The following CSMD3 variants were observed in gnomAD, a reference collection of about 807,000 sequenced individuals.
CSMD3 encodes CUB and Sushi multiple domains 3.
CSMD3 carries 177 observed loss-of-function variants against 435.2 expected under a neutral mutation model. That is an observed-to-expected ratio of 0.41 (90% CI 0.36 to 0.46). The LOEUF is 0.46. CSMD3 is among the 20% of genes least tolerant of loss of function. CSMD3 has a pLI of 0.34. For missense variants in CSMD3, 4,265 were observed against 4,504.6 expected (o/e 0.95, Z 1.52); for synonymous variants, 1,656 against 1,520.5 (o/e 1.09, Z -2.07).
intron 7 of CSMD3, among the ~76,000 whole-genome samples, chr8:112,969,508 T>C (rs1157918154): frequency 6.6e-6 from 1 of 152,036 alleles, no homozygotes; most frequent in Non-Finnish European, 1.5e-5. Flanking sequence ...ATCCTACTGA[T>C]ATGATCATTA....
At chr8:113,345,426 A>G (rs2094145441) in intron 1 of CSMD3, among the ~76,000 whole-genome samples, 1 of 152,190 alleles carries the variant, frequency 6.6e-6, no homozygotes. Flanking sequence ...AATGTACTTA[A>G]TATGACTGTA....
intron 3 of CSMD3, among the ~76,000 whole-genome samples, chr8:113,212,737 G>A (rs2092852457): frequency 6.6e-6 from 1 of 151,626 alleles, no homozygotes; most frequent in South Asian, 2.1e-4. Context: ...AGGGCCTGTT[G>A]TGGGGTGGGG....
intron 2 of CSMD3, among the ~76,000 whole-genome samples, chr8:113,300,511 G>A (rs892192080): frequency 2.6e-5 from 4 of 152,126 alleles, no homozygotes; most frequent in African/African-American, 9.7e-5. Context: ...GCAGCCATAA[G>A]AAAGAATGAA....
At chr8:113,072,463 G>A (rs1305805124) in intron 5 of CSMD3, among the ~76,000 whole-genome samples, 1 of 151,468 alleles carries the variant, frequency 6.6e-6, no homozygotes, top group East Asian at 1.9e-4. Context: ...TTTTGCTGAG[G>A]TAAATTTCTT....
At chr8:112,787,700 T>TCA (rs1395258589) in intron 13 of CSMD3, among the ~76,000 whole-genome samples, 6 of 152,028 alleles carry the variant, frequency 3.9e-5, no homozygotes, top group Non-Finnish European at 5.9e-5. Context: ...AAGACAAACT[T>TCA]CACACATTCT....
intron 32 of CSMD3, among the ~76,000 whole-genome samples, chr8:112,411,576 A>G (rs1242679647): frequency 6.6e-6 from 1 of 152,074 alleles, no homozygotes; most frequent in Non-Finnish European, 1.5e-5. Context: ...GTTATTTTGT[A>G]GTATGAACAA....
intron 45 of CSMD3, among the ~76,000 whole-genome samples, chr8:112,324,005 C>G (rs1276757767): frequency 6.6e-6 from 1 of 152,052 alleles, no homozygotes; most frequent in Non-Finnish European, 1.5e-5. Flanking sequence ...CACATTGTCT[C>G]CCCGATTTAT....
At chr8:112,409,096 C>A in intron 32 of CSMD3, 64 bp from the exon 33 acceptor site, 21 of 1,603,950 alleles carry the variant, frequency 1.3e-5, no homozygotes, top group Admixed American at 6.9e-5. Flanking sequence ...AAACAAAAAA[C>A]AAAAAAATAG....
chr8:113,419,121 G>GT (rs1200219963), intron 1 of CSMD3, among the ~76,000 whole-genome samples: 5 of 141,550 alleles, frequency 3.5e-5, no homozygotes, highest in African/African-American at 1.3e-4. Context: ...GTTTTTTTTG[G>GT]TTTGTTTTTT....
chr8:112,250,816 A>T (rs1166032349), intron 63 of CSMD3, among the ~76,000 whole-genome samples: 6 of 151,886 alleles, frequency 4.0e-5, no homozygotes, highest in Non-Finnish European at 8.8e-5. Flanking sequence ...CAATGTTTAA[A>T]TAAAAATCAC....
chr8:112,602,892 T>C (rs1269822369), intron 22 of CSMD3, among the ~76,000 whole-genome samples: 6 of 152,180 alleles, frequency 3.9e-5, no homozygotes, highest in African/African-American at 1.2e-4. Flanking sequence ...CTATGGTACA[T>C]ATCAAGCAAT....
At chr8:112,690,510 A>T (rs1323608078) in intron 13 of CSMD3, among the ~76,000 whole-genome samples, 1 of 151,994 alleles carries the variant, frequency 6.6e-6, no homozygotes, top group East Asian at 1.9e-4. Flanking sequence ...ATACTCCTAC[A>T]GAAATCAATG....
chr8:113,372,706 G>T (rs1180899820), intron 1 of CSMD3, among the ~76,000 whole-genome samples: 1 of 152,058 alleles, frequency 6.6e-6, no homozygotes, highest in Non-Finnish European at 1.5e-5. Flanking sequence ...GGCCGAGGCG[G>T]GTGGATCATG....
chr8:113,189,313 T>G (rs2092552298), intron 3 of CSMD3, among the ~76,000 whole-genome samples: 1 of 151,794 alleles, frequency 6.6e-6, no homozygotes, highest in South Asian at 2.1e-4. Context: ...ATTGCTTGCA[T>G]TAGACTCTTT....
chr8:112,818,239 A>G (rs934101441), intron 12 of CSMD3, among the ~76,000 whole-genome samples: 1 of 152,116 alleles, frequency 6.6e-6, no homozygotes, highest in African/African-American at 2.4e-5. Context: ...GTTCCATAAC[A>G]TGTTAAATAT....
At chr8:113,320,766 T>C (rs1008491938) in intron 1 of CSMD3, among the ~76,000 whole-genome samples, 1 of 152,266 alleles carries the variant, frequency 6.6e-6, no homozygotes, top group East Asian at 1.9e-4. Flanking sequence ...ACCACTCCTT[T>C]ACTAAATTTC....
In CSMD3 at chr8:112,289,461, G is replaced by C. The variant is rs865775885; in HGVS notation, c.9052C>G (p.His3018Asp). Residue 3018 changes from histidine to aspartate, a missense_variant, in exon 57 of 71, where the codon CAC (histidine) becomes GAC (aspartate). By Grantham distance (81) the His-to-Asp change is moderately conservative. Transcript: ENST00000297405. ...GEKYTFGSTV[H>D]YSCTGKRSLL... Reference sequence around the variant, plus strand: ...GAACGCTTTCCTGTGCAGGAATAGTGAACAGTAGACCCAAAAGTATACTTC... The same window carrying C: ...GAACGCTTTCCTGTGCAGGAATAGTCAACAGTAGACCCAAAAGTATACTTC... The C allele has an allele frequency of 6.2e-7, 1 of 1,613,238 alleles. No homozygotes were observed. Among genetic ancestry groups the C allele is most frequent in the East Asian group, 2.2e-5 (1 of 44,852 alleles).
chr8:112,875,579 T>G (rs1466380201), intron 10 of CSMD3, among the ~76,000 whole-genome samples: 2 of 152,164 alleles, frequency 1.3e-5, no homozygotes, highest in African/African-American at 4.8e-5. Flanking sequence ...TGTGGTCCTT[T>G]CACATAGTCC....
chr8:113,195,092 G>A (rs532887986), intron 3 of CSMD3, among the ~76,000 whole-genome samples: 1 of 151,118 alleles, frequency 6.6e-6, no homozygotes, highest in Non-Finnish European at 1.5e-5. Flanking sequence ...ACATTTAATG[G>A]TTGTCCTTAT....
Sources: allele counts gnomAD v4.1 joint callset (sites outside exome capture counted in the v4.1 genomes callset), GRCh38; gene constraint gnomAD v4.1.1; transcripts MANE v1.5; gene names NCBI Gene and HGNC (gene_info 2026-07-23, HGNC 2026-07-21).